The following STEAP1B variants were observed in gnomAD, a reference collection of about 807,000 sequenced individuals.
The protein encoded by STEAP1B is STEAP family member 1B.
A neutral mutation model predicts 27.9 loss-of-function variants in STEAP1B; 13 were observed. The ratio of observed to expected loss-of-function variants is 0.47; its 90% CI spans 0.30 to 0.74. STEAP1B has a LOEUF of 0.74. Ranked by LOEUF, STEAP1B falls within the 30% of genes least tolerant of loss-of-function variation. The pLI, the probability that STEAP1B is intolerant of heterozygous loss-of-function variation, is 0.06. For missense variants in STEAP1B, 250 were observed against 298.7 expected, an observed-to-expected ratio of 0.84 and a Z score of 1.20; for synonymous variants, 86 against 107.1, an observed-to-expected ratio of 0.80 and a Z score of 1.22.
At chr7:22,452,809 C>G (rs966178825) in intron 4 of STEAP1B, among the ~76,000 whole-genome samples, 2 of 152,032 alleles carry the variant, frequency 1.3e-5, no homozygotes, top group African/African-American at 4.8e-5. Context: ...ACAGGGAGCC[C>G]GTTTTCTCAC....
chr7:22,480,319 G>A (rs1786046559), intron 4 of STEAP1B, among the ~76,000 whole-genome samples: 1 of 152,156 alleles, frequency 6.6e-6, no homozygotes, highest in African/African-American at 2.4e-5. Flanking sequence ...TCTTTTGAAA[G>A]CTTTAAGTGA....
chr7:22,455,829 G>C (rs1359675952), intron 4 of STEAP1B, among the ~76,000 whole-genome samples: 4 of 152,152 alleles, frequency 2.6e-5, no homozygotes, highest in African/African-American at 9.7e-5. Context: ...TGCCTAAAAA[G>C]GCAAACGAGT....
chr7:22,422,854 T>C (rs1383796825), intron 4 of STEAP1B, among the ~76,000 whole-genome samples: 1 of 152,246 alleles, frequency 6.6e-6, no homozygotes, highest in Non-Finnish European at 1.5e-5. Context: ...TAGTTTATCC[T>C]AGCATTTCAT....
At chr7:22,445,630 G>A (rs1357841044) in intron 4 of STEAP1B, among the ~76,000 whole-genome samples, 1 of 152,256 alleles carries the variant, frequency 6.6e-6, no homozygotes, top group Non-Finnish European at 1.5e-5. Context: ...CTCTGAATGG[G>A]GATTTGGTCG....
chr7:22,457,523 A>G (rs1046898860), intron 4 of STEAP1B, among the ~76,000 whole-genome samples: 2 of 152,366 alleles, frequency 1.3e-5, no homozygotes, highest in Admixed American at 1.3e-4. Flanking sequence ...ATAACTGCAC[A>G]CTAGGAAATT....
intron 4 of STEAP1B, among the ~76,000 whole-genome samples, chr7:22,479,020 C>A (rs1163335069): frequency 6.6e-6 from 1 of 152,110 alleles, no homozygotes; most frequent in African/African-American, 2.4e-5. Flanking sequence ...AGGAGAAGGG[C>A]CGAGTGGGGT....
intron 4 of STEAP1B, among the ~76,000 whole-genome samples, chr7:22,458,056 T>C (rs1401009140): frequency 6.6e-6 from 1 of 152,210 alleles, no homozygotes; most frequent in Non-Finnish European, 1.5e-5. Context: ...GTTGTTAGGG[T>C]TAGGCTTACT....
intron 4 of STEAP1B, among the ~76,000 whole-genome samples, chr7:22,429,830 T>C (rs1342436610): frequency 3.9e-5 from 6 of 152,198 alleles, no homozygotes; most frequent in African/African-American, 9.7e-5. Context: ...ATGGTCATAT[T>C]GTTTAAGATT....
intron 4 of STEAP1B, among the ~76,000 whole-genome samples, chr7:22,430,913 C>G (rs1459681353): frequency 6.6e-6 from 1 of 152,242 alleles, no homozygotes; most frequent in Admixed American, 6.5e-5. Flanking sequence ...CTCAGCGTCT[C>G]TCTGCCATCA....
intron 4 of STEAP1B, among the ~76,000 whole-genome samples, chr7:22,466,485 G>A (rs889004596): frequency 5.3e-5 from 8 of 151,336 alleles, no homozygotes; most frequent in South Asian, 2.1e-4. Flanking sequence ...AGCAAGAGAG[G>A]GGCTGTGTAC....
chr7:22,469,730 G>T (rs139825337), intron 4 of STEAP1B, among the ~76,000 whole-genome samples: 1 of 152,120 alleles, frequency 6.6e-6, no homozygotes. Flanking sequence ...TACCATCTAG[G>T]TTAGCGTAAG....
At chr7:22,445,378 A>G (rs1785393817) in intron 4 of STEAP1B, among the ~76,000 whole-genome samples, 1 of 152,220 alleles carries the variant, frequency 6.6e-6, no homozygotes, top group South Asian at 2.1e-4. Flanking sequence ...TTCAGGGAGG[A>G]CAGCTGGGCC....
chr7:22,459,701 G>A (rs889479957), intron 4 of STEAP1B, among the ~76,000 whole-genome samples: 1 of 152,108 alleles, frequency 6.6e-6, no homozygotes, highest in African/African-American at 2.4e-5. Flanking sequence ...TATCCTGCTA[G>A]GATTCTTCCA....
At position 22,475,431 on chromosome 7, in the gene STEAP1B, T is replaced by C. The variant is rs116320933; in HGVS notation, c.762+17134A>G. 4.2e-3 allele frequency among the ~76,000 whole-genome samples: 647 copies of C among 152,348 alleles called. 1 individual carries two copies. The highest frequency in any genetic ancestry group is 0.015 in the African/African-American group (623 of 41,584). ...TTCTGTTCTCCAGGCTGGAGTGCAA[T>C]GAGGATCACAGCTCACTGTAACCTT... On this transcript the variant is annotated intron_variant, in intron 4 of 4. Transcript: ENST00000678116.
At chr7:22,490,802 G>C (rs537246749) in intron 4 of STEAP1B, among the ~76,000 whole-genome samples, 39 of 152,234 alleles carry the variant, frequency 2.6e-4, no homozygotes, top group African/African-American at 8.9e-4. Flanking sequence ...CAAGATACTA[G>C]GAGTACACAT....
chr7:22,494,825 C>T lies in STEAP1B; in HGVS notation c.31G>A (p.Glu11Lys), dbSNP rs561233940. Residue 11 changes from glutamate (E) to lysine (K), a missense_variant, in exon 2 of 5, where the codon GAA (glutamate) becomes AAA (lysine). Transcript: ENST00000678116. ...CTAGGCTTCATTTTCCAAATTTCTT[C>T]TTGGTTTGTGATGTCTTTTCTGCTT... is the stretch of plus-strand genomic sequence containing the variant. MESRKDITNQ[E>K]EIWKMKPRRN... 6 of 1,590,302 alleles carry T rather than the reference C, an allele frequency of 3.8e-6. No homozygotes were observed. Among genetic ancestry groups the T allele is most frequent in the Non-Finnish European group, 4.3e-6 (5 of 1,167,694 alleles).
chr7:22,472,533 G>C (rs945774654), intron 4 of STEAP1B, among the ~76,000 whole-genome samples: 12 of 152,216 alleles, frequency 7.9e-5, no homozygotes, highest in Admixed American at 7.9e-4. Context: ...GTCTTTAGAA[G>C]TTTTACGGCA....
chr7:22,497,448 A>G (rs1786460724), intron 1 of STEAP1B, among the ~76,000 whole-genome samples: 1 of 152,186 alleles, frequency 6.6e-6, no homozygotes, highest in African/African-American at 2.4e-5. Flanking sequence ...TTTTTCAGTT[A>G]GACAGTCAAC....
chr7:22,465,518 G>A (rs1785761586), intron 4 of STEAP1B, among the ~76,000 whole-genome samples: 1 of 152,106 alleles, frequency 6.6e-6, no homozygotes, highest in Admixed American at 6.6e-5. Flanking sequence ...CTTCTGTTGT[G>A]TAGATTTCCA....
Sources: gnomAD v4.1 joint callset for allele counts (sites outside exome capture counted in the v4.1 genomes callset) on GRCh38, gnomAD v4.1.1 for gene constraint, MANE v1.5 for transcripts, NCBI Gene and HGNC (gene_info 2026-07-23, HGNC 2026-07-21) for gene names.